The following KCNIP4 variants were observed in gnomAD, a reference collection of about 807,000 sequenced individuals.
KCNIP4 encodes the protein potassium voltage-gated channel interacting protein 4, also known as Kv channel-interacting protein 4.
KCNIP4 carries 12 observed loss-of-function variants against 34.0 expected under a neutral mutation model. The ratio of observed to expected loss-of-function variants is 0.35; its 90% CI spans 0.23 to 0.57. The LOEUF (loss-of-function observed/expected upper bound fraction) is 0.57. KCNIP4 is among the 20% of genes least tolerant of loss of function. The pLI is 0.83. For synonymous variants in KCNIP4, 124 were observed against 102.2 expected (o/e 1.21, Z -1.29); for missense variants, 238 against 311.7 (o/e 0.76, Z 1.78).
At chr4:21,805,196 T>C (rs1012211156) in intron 1 of KCNIP4, among the ~76,000 whole-genome samples, 3 of 152,206 alleles carry the variant, frequency 2.0e-5, no homozygotes, top group Non-Finnish European at 4.4e-5. Context: ...GGTATGTAAA[T>C]TATACCTCAA....
chr4:20,768,601 T>C (rs1302336186), intron 3 of KCNIP4, among the ~76,000 whole-genome samples: 1 of 152,218 alleles, frequency 6.6e-6, no homozygotes, highest in Admixed American at 6.5e-5. Flanking sequence ...TATTCCTTCT[T>C]AGTCTAAATG....
At chr4:21,613,153 A>G (rs1174789569) in intron 1 of KCNIP4, among the ~76,000 whole-genome samples, 1 of 152,120 alleles carries the variant, frequency 6.6e-6, no homozygotes, top group Non-Finnish European at 1.5e-5. Flanking sequence ...TACTGTTGCA[A>G]TCATGCTCCC....
At chr4:21,314,520 C>T (rs1713526887) in intron 1 of KCNIP4, among the ~76,000 whole-genome samples, 1 of 152,176 alleles carries the variant, frequency 6.6e-6, no homozygotes, top group Non-Finnish European at 1.5e-5. Flanking sequence ...TGCTGAGTGG[C>T]ATGCTAGGTG....
At position 21,827,965 on chromosome 4, in the gene KCNIP4, G is replaced by T. The variant is rs557042276; in HGVS notation, c.61+120606C>A. 9.8e-4 allele frequency among the ~76,000 whole-genome samples: 147 copies of T among 149,722 alleles called. 1 individual carries two copies. The South Asian group carries it at 0.015, about 15-fold the overall frequency. ...TCATATACAAAATTTTGGGTAAAACGAGCCGCTCTAACTTATAAACAGGAA... is the reference window on the plus strand; with the variant it reads ...TCATATACAAAATTTTGGGTAAAACTAGCCGCTCTAACTTATAAACAGGAA... On this transcript the variant is annotated intron_variant, in intron 1 of 8. Transcript: ENST00000382152.
chr4:20,845,681 G>A (rs750198765), intron 3 of KCNIP4, among the ~76,000 whole-genome samples: 9 of 152,172 alleles, frequency 5.9e-5, no homozygotes, highest in Non-Finnish European at 1.0e-4. Flanking sequence ...GAGACCCTCC[G>A]TTGTTGGCTT....
At chr4:21,357,176 T>A (rs913754032) in intron 1 of KCNIP4, among the ~76,000 whole-genome samples, 1 of 152,198 alleles carries the variant, frequency 6.6e-6, no homozygotes. Flanking sequence ...CAAGATGGAT[T>A]GAAGACTTAA....
intron 1 of KCNIP4, among the ~76,000 whole-genome samples, chr4:21,769,110 C>T (rs920898211): frequency 6.6e-6 from 1 of 151,836 alleles, no homozygotes; most frequent in Non-Finnish European, 1.5e-5. Flanking sequence ...GAAGTCTATA[C>T]GAATTCACAC....
chr4:21,219,206 G>C (rs1484270809), intron 1 of KCNIP4, among the ~76,000 whole-genome samples: 1 of 152,110 alleles, frequency 6.6e-6, no homozygotes, highest in African/African-American at 2.4e-5. Flanking sequence ...GAAGATCTCT[G>C]AAACTTAGCT....
At chr4:21,268,608 A>C (rs1761958184) in intron 1 of KCNIP4, among the ~76,000 whole-genome samples, 1 of 152,216 alleles carries the variant, frequency 6.6e-6, no homozygotes, top group Admixed American at 6.5e-5. Flanking sequence ...GCAAGGAGAC[A>C]GTGTTGCTTT....
chr4:21,504,475 A>AAAAAAAAAAAAAAAAGAAAGAAAG (rs1264431211), intron 1 of KCNIP4, among the ~76,000 whole-genome samples: 7 of 101,842 alleles, frequency 6.9e-5, no homozygotes, highest in South Asian at 3.3e-4. Context: ...CAAAAAAAAA[A>AAAAAAAAAAAAAAAAGAAAGAAAG]AAAGAAAGAA....
chr4:21,536,157 C>T (rs374252013), intron 1 of KCNIP4, among the ~76,000 whole-genome samples: 1 of 152,038 alleles, frequency 6.6e-6, no homozygotes, highest in East Asian at 1.9e-4. Flanking sequence ...TATATAATTC[C>T]AGAAGGTCAA....
chr4:20,796,157 T>A (rs1713427730), intron 3 of KCNIP4, among the ~76,000 whole-genome samples: 1 of 152,194 alleles, frequency 6.6e-6, no homozygotes, highest in Non-Finnish European at 1.5e-5. Flanking sequence ...AGAGATAAAA[T>A]GTACATATTT....
intron 1 of KCNIP4, among the ~76,000 whole-genome samples, chr4:21,416,825 T>G (rs1251813096): frequency 6.6e-6 from 1 of 152,068 alleles, no homozygotes; most frequent in Non-Finnish European, 1.5e-5. Flanking sequence ...TGAAAAGAAT[T>G]TATTTGGGAA....
chr4:21,489,082 T>C (rs1732152185), intron 1 of KCNIP4, among the ~76,000 whole-genome samples: 1 of 152,136 alleles, frequency 6.6e-6, no homozygotes. Context: ...GATAGCCTTT[T>C]AGACACAGCA....
chr4:21,762,201 T>G (rs1718105624), intron 1 of KCNIP4, among the ~76,000 whole-genome samples: 3 of 152,282 alleles, frequency 2.0e-5, no homozygotes, highest in Middle Eastern at 3.4e-3. Context: ...TGAAATTAAA[T>G]TTAATAATAT....
intron 1 of KCNIP4, among the ~76,000 whole-genome samples, chr4:21,034,513 C>T (rs968843259): frequency 6.6e-6 from 1 of 152,126 alleles, no homozygotes; most frequent in Non-Finnish European, 1.5e-5. Flanking sequence ...ATGACTGGGG[C>T]ACCCTTGTCT....
At chr4:21,182,734 TA>T (rs1434259209) in intron 1 of KCNIP4, among the ~76,000 whole-genome samples, 7 of 152,062 alleles carry the variant, frequency 4.6e-5, no homozygotes, top group Admixed American at 3.3e-4. Context: ...TAAAGTGTTT[TA>T]AAAAATTATT....
intron 1 of KCNIP4, among the ~76,000 whole-genome samples, chr4:21,840,321 T>C (rs1723600998): frequency 6.6e-6 from 1 of 152,100 alleles, no homozygotes; most frequent in South Asian, 2.1e-4. Context: ...CTGTAGTCTG[T>C]AGTCTTCCAC....
At chr4:20,749,364 A>G (rs1177137209) in intron 5 of KCNIP4, among the ~76,000 whole-genome samples, 1 of 152,166 alleles carries the variant, frequency 6.6e-6, no homozygotes, top group African/African-American at 2.4e-5. Context: ...CAACTGGCCC[A>G]TAAGGAGGTG....
Sources: allele counts gnomAD v4.1 joint callset (sites outside exome capture counted in the v4.1 genomes callset), GRCh38; gene constraint gnomAD v4.1.1; transcripts MANE v1.5; gene names NCBI Gene and HGNC (gene_info 2026-07-23, HGNC 2026-07-21).